DYNC1I1: variants seen among roughly 807,000 people sequenced by gnomAD.
DYNC1I1 encodes the protein cytoplasmic dynein 1 intermediate chain 1.
In DYNC1I1, 43 loss-of-function variants were observed where a neutral mutation model predicts 86.6. The ratio of observed to expected loss-of-function variants is 0.50; its 90% CI spans 0.39 to 0.64. The LOEUF is 0.64. DYNC1I1 is among the 30% of genes least tolerant of loss of function. The pLI is 0.00. For synonymous variants in DYNC1I1, 262 were observed against 283.7 expected, an observed-to-expected ratio of 0.92 and a Z score of 0.77; for missense variants, 604 against 788.8, an observed-to-expected ratio of 0.77 and a Z score of 2.81.
intron 6 of DYNC1I1, among the ~76,000 whole-genome samples, chr7:95,975,511 CT>C (rs35657751): frequency 1.3e-5 from 2 of 152,164 alleles, no homozygotes; most frequent in Non-Finnish European, 2.9e-5. Context: ...CCAATTTCCC[CT>C]TTTTATAATG....
chr7:96,037,916 A>G (rs1788910231), intron 13 of DYNC1I1, among the ~76,000 whole-genome samples: 1 of 152,160 alleles, frequency 6.6e-6, no homozygotes, highest in Non-Finnish European at 1.5e-5. Context: ...GGGGAGAAGC[A>G]GGGGATTGCT....
intron 11 of DYNC1I1, among the ~76,000 whole-genome samples, chr7:96,031,635 G>T (rs765374877): frequency 6.6e-6 from 1 of 152,160 alleles, no homozygotes; most frequent in Non-Finnish European, 1.5e-5. Flanking sequence ...GATAATAATA[G>T]TTTGGGAACC....
chr7:95,965,905 T>A (rs200719715), intron 6 of DYNC1I1, among the ~76,000 whole-genome samples: 1 of 152,190 alleles, frequency 6.6e-6, no homozygotes, highest in East Asian at 1.9e-4. Context: ...CTGCTCAATT[T>A]AGGTTCCAAG....
chr7:95,945,862 A>C (rs1362303433), intron 6 of DYNC1I1, among the ~76,000 whole-genome samples: 1 of 152,196 alleles, frequency 6.6e-6, no homozygotes, highest in African/African-American at 2.4e-5. Context: ...ATATATGTTC[A>C]TTGCAGCACT....
chr7:95,790,491 C>T (rs913554352), intron 1 of DYNC1I1, among the ~76,000 whole-genome samples: 2 of 152,192 alleles, frequency 1.3e-5, no homozygotes, highest in Admixed American at 6.5e-5. Context: ...GTTGAGTCAA[C>T]CTACTTTTTG....
At chr7:96,075,986 T>C in intron 14 of DYNC1I1, 71 bp from the exon 15 acceptor site, 2 of 1,549,786 alleles carry the variant, frequency 1.3e-6, no homozygotes, top group East Asian at 2.3e-5. Flanking sequence ...GCAAAGTTTT[T>C]AATTAGGCTC....
At chr7:95,946,478 C>T (rs77678235) in intron 6 of DYNC1I1, among the ~76,000 whole-genome samples, 1 of 152,130 alleles carries the variant, frequency 6.6e-6, no homozygotes, top group Admixed American at 6.5e-5. Flanking sequence ...AAAAATGCCA[C>T]CTCCTCCACA....
At chr7:95,808,513 GA>G (rs1465139754) in intron 2 of DYNC1I1, among the ~76,000 whole-genome samples, 1 of 152,092 alleles carries the variant, frequency 6.6e-6, no homozygotes, top group African/African-American at 2.4e-5. Context: ...CACCATTTAA[GA>G]CACTGGCCCA....
At chr7:95,977,724 TATG>T in intron 7 of DYNC1I1, 123 bp downstream of exon 7, 1 of 769,594 alleles carries the variant, frequency 1.3e-6, no homozygotes, top group East Asian at 2.9e-5. Context: ...GAAGATTTTC[TATG>T]ATTGTTCAAT....
chr7:95,786,807 C>T (rs1794159946), intron 1 of DYNC1I1, among the ~76,000 whole-genome samples: 1 of 152,118 alleles, frequency 6.6e-6, no homozygotes, highest in South Asian at 2.1e-4. Context: ...TGCAAAGTGT[C>T]ACAGTGTAGC....
Position 95,968,822 on chromosome 7 carries a change from CTCTGTGTGTGTGTGTGTGTGTG to C in DYNC1I1, c.491-8688_491-8667del, listed in dbSNP as rs1422068755. On this transcript the variant is annotated intron_variant, in intron 6 of 16. Coordinates refer to ENST00000447467, the MANE Select transcript of DYNC1I1 (RefSeq NM_001135556.2). ...ATCTTCAATTGTTCTGAATTTTTTG[CTCTGTGTGTGTGTGTGTGTGTG>C]TGTGTGTGTGTGTGTGTGTGTGTGT... Among the ~76,000 whole-genome samples, 468 of 133,632 alleles carry C rather than the reference CTCTGTGTGTGTGTGTGTGTGTG, an allele frequency of 3.5e-3. 1 individual carries two copies. Among genetic ancestry groups the C allele is most frequent in the Admixed American group, 7.0e-3 (93 of 13,288 alleles). The allele number at this position is 133,632 out of a possible 152,430, so 87.7% of individuals were successfully genotyped here.
At chr7:95,801,443 C>A (rs1244921361) in intron 1 of DYNC1I1, among the ~76,000 whole-genome samples, 3 of 152,118 alleles carry the variant, frequency 2.0e-5, no homozygotes, top group South Asian at 2.1e-4. Flanking sequence ...AAATACAAGA[C>A]TTTCTTATAT....
At chr7:95,776,118 A>G (rs1482323711) in intron 1 of DYNC1I1, among the ~76,000 whole-genome samples, 3 of 152,182 alleles carry the variant, frequency 2.0e-5, no homozygotes, top group Non-Finnish European at 4.4e-5. Context: ...ACTTGAGCCC[A>G]GGAGGCAGAG....
Position 96,080,439 on chromosome 7 carries a change from T to C in DYNC1I1, c.1727T>C (p.Val576Ala). 6.2e-7 allele frequency: 1 copy of C among 1,614,160 alleles called. No homozygotes were observed. Among genetic ancestry groups the C allele is most frequent in the Non-Finnish European group, 8.5e-7 (1 of 1,180,018 alleles). ...RVRWAQAGKE[V>A]AVGDSEGRIW... ...CGTTGGGCCCAAGCTGGCAAAGAAG[T>C]TGCTGTTGGGGACTCGGAAGGCCGT... The change falls in exon 16 of 17, where the codon GTT (valine) becomes GCT (alanine). Residue 576 changes from valine to alanine, a missense_variant. Physicochemically the swap from Val to Ala is moderately conservative, Grantham distance 64. Coordinates refer to ENST00000447467, the MANE Select transcript of DYNC1I1 (RefSeq NM_001135556.2).
In DYNC1I1 at chr7:95,869,939, G is replaced by A; in HGVS notation, c.431G>A (p.Arg144Lys). 6.2e-7 allele frequency: 1 copy of A among 1,614,040 alleles called. No individual in the cohort carries two copies. The highest frequency in any genetic ancestry group is 8.5e-7 in the Non-Finnish European group (1 of 1,179,914). The change falls in exon 6 of 17, where the codon AGG (arginine) becomes AAG (lysine). Residue 144 changes from arginine to lysine, a missense_variant. Arg to Lys is a conservative substitution (Grantham distance 26, BLOSUM62 2). Transcript: ENST00000447467. ...GTCACCCAAGTGGATTTCCTGCCAA[G>A]GGAAGTAGTGTCCTACTCAAAGGAG... The part of the protein sequence containing the change: ...SKVTQVDFLP[R>K]EVVSYSKETQ...
chr7:95,995,272 A>ATAAATAAG (rs1793836315), intron 9 of DYNC1I1, among the ~76,000 whole-genome samples: 1 of 151,266 alleles, frequency 6.6e-6, no homozygotes, highest in Non-Finnish European at 1.5e-5. Flanking sequence ...AAATAAATAA[A>ATAAATAAG]TAAATAAATA....
At chr7:95,999,697 AC>A (rs1584239850) in intron 10 of DYNC1I1, among the ~76,000 whole-genome samples, 2 of 152,202 alleles carry the variant, frequency 1.3e-5, no homozygotes, top group South Asian at 2.1e-4. Context: ...GGTGGTTAGG[AC>A]AGGGACAGAA....
chr7:96,101,279 T>G (rs995319197), downstream of DYNC1I1, among the ~76,000 whole-genome samples: 23 of 152,058 alleles, frequency 1.5e-4, no homozygotes, highest in African/African-American at 5.3e-4. Context: ...ACCAAAAACA[T>G]AGAGCAAGAA....
chr7:95,974,951 A>T (rs972512375), intron 6 of DYNC1I1, among the ~76,000 whole-genome samples: 1 of 152,126 alleles, frequency 6.6e-6, no homozygotes, highest in Non-Finnish European at 1.5e-5. Flanking sequence ...TCTATTTCAC[A>T]TCATGCTGTG....
Sources: gnomAD v4.1 joint callset for allele counts (sites outside exome capture counted in the v4.1 genomes callset) on GRCh38, gnomAD v4.1.1 for gene constraint, MANE v1.5 for transcripts, NCBI Gene and HGNC (gene_info 2026-07-23, HGNC 2026-07-21) for gene names.